Variants in CDH12 observed in about 807,000 individuals in gnomAD.
CDH12 encodes cadherin-12.
CDH12 carries 41 observed loss-of-function variants against 74.1 expected under a neutral mutation model. The ratio of observed to expected loss-of-function variants is 0.55; its 90% CI spans 0.43 to 0.72. The LOEUF (loss-of-function observed/expected upper bound fraction) is 0.72. CDH12 is among the 30% of genes least tolerant of loss of function. The pLI, the probability that CDH12 is intolerant of heterozygous loss-of-function variation, is 0.00. For missense variants in CDH12, 945 were observed against 977.2 expected (o/e 0.97, Z 0.44); for synonymous variants, 399 against 355.0 (o/e 1.12, Z -1.39).
intron 3 of CDH12, among the ~76,000 whole-genome samples, chr5:22,252,715 G>T (rs1390349162): frequency 6.6e-6 from 1 of 151,300 alleles, no homozygotes. Flanking sequence ...TCCTCTCCAG[G>T]GTCCTTTATG....
chr5:22,751,193 G>A (rs1745552914), intron 1 of CDH12, among the ~76,000 whole-genome samples: 1 of 151,350 alleles, frequency 6.6e-6, no homozygotes, highest in Non-Finnish European at 1.5e-5. Context: ...TTAAAGAGGC[G>A]GCAAGATAGG....
At chr5:21,996,670 A>G (rs1736321202) in intron 5 of CDH12, among the ~76,000 whole-genome samples, 1 of 152,194 alleles carries the variant, frequency 6.6e-6, no homozygotes, top group Non-Finnish European at 1.5e-5. Flanking sequence ...TGTTTCATAA[A>G]TCAAAATATT....
rs563688767 is a variant in CDH12, at chr5:22,347,201, C to T, written c.-333+58056G>A. On this transcript the variant is annotated intron_variant, in intron 3 of 14. Transcript: ENST00000382254. ...CTGGGTGTGTCTGTGAGTGTGTTGC[C>T]AAAGGAGATTAACATTTGAGTCAGT... 2.0e-5 allele frequency among the ~76,000 whole-genome samples: 3 copies of T among 152,122 alleles called. No homozygotes were observed. The East Asian group carries it at 5.8e-4, about 30-fold the overall frequency.
chr5:22,275,820 T>C (rs1435106715), intron 3 of CDH12, among the ~76,000 whole-genome samples: 1 of 152,138 alleles, frequency 6.6e-6, no homozygotes, highest in Non-Finnish European at 1.5e-5. Context: ...ATAGAAACTG[T>C]TTGAAGACAC....
At chr5:22,228,732 A>C (rs1752280005) in intron 3 of CDH12, among the ~76,000 whole-genome samples, 1 of 152,106 alleles carries the variant, frequency 6.6e-6, no homozygotes, top group South Asian at 2.1e-4. Context: ...GAAAAGCATA[A>C]ATCCCTTAAT....
chr5:22,220,782 T>C (rs569711020), intron 3 of CDH12, among the ~76,000 whole-genome samples: 15 of 151,858 alleles, frequency 9.9e-5, no homozygotes, highest in African/African-American at 3.4e-4. Context: ...CTCTCACAGA[T>C]GAATTTCAAA....
intron 5 of CDH12, among the ~76,000 whole-genome samples, chr5:22,025,237 A>G (rs1267473590): frequency 1.3e-5 from 2 of 152,118 alleles, no homozygotes; most frequent in Non-Finnish European, 2.9e-5. Flanking sequence ...AAGGGAGCTT[A>G]CTTTTTGGAC....
intron 4 of CDH12, among the ~76,000 whole-genome samples, chr5:22,103,185 T>TA (rs771253903): frequency 1.3e-5 from 2 of 152,194 alleles, no homozygotes; most frequent in Non-Finnish European, 2.9e-5. Context: ...ATCTTGAATG[T>TA]ATCTGGTCTC....
intron 3 of CDH12, among the ~76,000 whole-genome samples, chr5:22,317,785 G>C (rs975265166): frequency 1.3e-5 from 2 of 152,124 alleles, no homozygotes; most frequent in African/African-American, 4.8e-5. Context: ...GCAATAATTT[G>C]TCTTGATGCC....
intron 6 of CDH12, among the ~76,000 whole-genome samples, chr5:21,908,048 G>A (rs958224300): frequency 7.9e-5 from 12 of 152,140 alleles, no homozygotes. Flanking sequence ...TCTTTGTGCC[G>A]CTCTGATGGT....
intron 3 of CDH12, among the ~76,000 whole-genome samples, chr5:22,347,958 G>T (rs1233203895): frequency 6.6e-6 from 1 of 152,134 alleles, no homozygotes; most frequent in Non-Finnish European, 1.5e-5. Flanking sequence ...GAGGCCATGG[G>T]GTTAAGCATA....
At chr5:22,115,689 CTTTTTTT>C (rs10669028) in intron 4 of CDH12, among the ~76,000 whole-genome samples, 3 of 110,482 alleles carry the variant, frequency 2.7e-5, no homozygotes, top group East Asian at 5.1e-4. Flanking sequence ...GTCCTCGCGA[CTTTTTTT>C]TTTTTTTTTT....
chr5:22,123,926 T>C (rs1320783369), intron 4 of CDH12, among the ~76,000 whole-genome samples: 5 of 151,856 alleles, frequency 3.3e-5, no homozygotes, highest in Non-Finnish European at 5.9e-5. Context: ...TTGAGTTTTT[T>C]AATTTTTAAA....
intron 7 of CDH12, among the ~76,000 whole-genome samples, chr5:21,851,263 A>G (rs182534212): frequency 1.2e-3 from 189 of 151,316 alleles, no homozygotes; most frequent in Middle Eastern, 3.7e-3. Flanking sequence ...GAATTTTAAG[A>G]CTAAATTAAG....
intron 1 of CDH12, among the ~76,000 whole-genome samples, chr5:22,824,802 C>A (rs1218874675): frequency 1.3e-5 from 2 of 151,618 alleles, no homozygotes; most frequent in Non-Finnish European, 2.9e-5. Context: ...GTATTTTAAA[C>A]AACATAACAA....
chr5:21,929,423 A>C (rs1259550256), intron 6 of CDH12, among the ~76,000 whole-genome samples: 1 of 151,438 alleles, frequency 6.6e-6, no homozygotes, highest in Non-Finnish European at 1.5e-5. Flanking sequence ...TTTCATAAGG[A>C]GTGTACAGCC....
chr5:22,660,322 T>C (rs6452087), intron 1 of CDH12, among the ~76,000 whole-genome samples: 103,880 of 152,118 alleles, frequency 0.68, 35,646 homozygotes, highest in Admixed American at 0.74. Flanking sequence ...ATGCATTGGT[T>C]ATTAAATGAT....
intron 1 of CDH12, among the ~76,000 whole-genome samples, chr5:22,749,717 GA>G (rs1745467767): frequency 6.6e-6 from 1 of 152,166 alleles, no homozygotes. Flanking sequence ...TGTGTTCAGA[GA>G]AGGCAAAATT....
chr5:22,005,936 A>ATAGG (rs200566968), intron 5 of CDH12, among the ~76,000 whole-genome samples: 2,718 of 152,280 alleles, frequency 0.018, 41 homozygotes, highest in African/African-American at 0.04. Flanking sequence ...TTTGCAGCTT[A>ATAGG]TAGGTCACCT....
Sources: allele counts gnomAD v4.1 joint callset (sites outside exome capture counted in the v4.1 genomes callset), GRCh38; gene constraint gnomAD v4.1.1; transcripts MANE v1.5; gene names NCBI Gene and HGNC (gene_info 2026-07-23, HGNC 2026-07-21).